The following KIAA1210 variants were observed in gnomAD, a reference collection of about 807,000 sequenced individuals.
KIAA1210 encodes the protein acrosomal protein KIAA1210.
In KIAA1210, 48 loss-of-function variants were observed where a neutral mutation model predicts 78.9. That is an observed-to-expected ratio of 0.61 (90% CI 0.48 to 0.77). The LOEUF (loss-of-function observed/expected upper bound fraction) is 0.77. Among genes scored for constraint, KIAA1210 ranks in the 30% least tolerant of loss-of-function variants. KIAA1210 has a pLI of 0.00. For missense variants in KIAA1210, 1,108 were observed against 1,100.0 expected (o/e 1.01, Z -0.10); for synonymous variants, 406 against 404.5 (o/e 1.00, Z -0.04).
At position 119,150,387 on chromosome X, in the gene KIAA1210, C is replaced by T. The variant is rs370334886; in HGVS notation, c.193G>A (p.Glu65Lys). The T allele has an allele frequency of 1.4e-5, 17 of 1,209,277 alleles. No individual in the cohort carries two copies. The African/African-American group carries it at 2.8e-4, about 20-fold the overall frequency. ...TCAGTCACTGCAGCTGGGCCAAGCTCCCCCTTGGTGCTTCCCTCCTTCTTG... is the reference window on the plus strand; with the variant it reads ...TCAGTCACTGCAGCTGGGCCAAGCTTCCCCTTGGTGCTTCCCTCCTTCTTG... Residue 65 changes from glutamate (E) to lysine (K), a missense_variant, in exon 1 of 14, where the codon GAG (glutamate) becomes AAG (lysine). Glu to Lys is a moderately conservative substitution (Grantham distance 56, BLOSUM62 1). Transcript: ENST00000402510.
chrX:119,129,316 A>G (rs1928730370), upstream of KIAA1210, among the ~76,000 whole-genome samples: 2 of 110,823 alleles, frequency 1.8e-5, no homozygotes, highest in Non-Finnish European at 3.8e-5. Context: ...TTTCACTCTG[A>G]GCTTGATGGC....
intron 1 of KIAA1210, among the ~76,000 whole-genome samples, chrX:119,126,950 T>A (rs1157751732): frequency 5.4e-5 from 6 of 111,136 alleles, no homozygotes; most frequent in Non-Finnish European, 1.1e-4. Context: ...GGTGCATGCC[T>A]GTAGTCCCAG....
chrX:119,110,256 A>G (rs754620477), intron 3 of KIAA1210, among the ~76,000 whole-genome samples: 4 of 112,478 alleles, frequency 3.6e-5, no homozygotes, highest in Non-Finnish European at 5.6e-5. Flanking sequence ...AATAAAAACA[A>G]AAACTATATG....
At chrX:119,104,491 C>A (rs1927827349) in intron 6 of KIAA1210, among the ~76,000 whole-genome samples, 1 of 112,268 alleles carries the variant, frequency 8.9e-6, no homozygotes, top group African/African-American at 3.2e-5. Flanking sequence ...ACAACCAATT[C>A]AATTAAACAC....
chrX:119,119,459 A>G (rs930102812), intron 2 of KIAA1210, among the ~76,000 whole-genome samples: 4 of 112,667 alleles, frequency 3.6e-5, no homozygotes, highest in African/African-American at 9.7e-5. Flanking sequence ...TAAAGAGAGA[A>G]AGAATAAAAA....
intron 3 of KIAA1210, 108 bp downstream of exon 3, chrX:119,116,388 G>C (rs1018193214): frequency 5.1e-6 from 4 of 777,385 alleles, no homozygotes; most frequent in Non-Finnish European, 7.4e-6. Context: ...GGCCCCCACA[G>C]GTGGGGACTC....
rs371842515 is a variant in KIAA1210 at position 119,088,526 on chromosome X, G to T, written c.2176C>A (p.Gln726Lys). The change falls in exon 9 of 12, where the codon CAG (glutamine) becomes AAG (lysine). Residue 726 changes from glutamine (Q) to lysine (K), a missense_variant. Physicochemically the swap from Gln to Lys is moderately conservative, Grantham distance 53 (BLOSUM62 1). This residue lies in a region of KIAA1210 where 672 missense variants were observed against 607.1 expected (regional missense o/e 1.11). Coordinates refer to ENST00000691062, the MANE Select transcript of KIAA1210 (RefSeq NM_001394962.1). ...GGCAGCTGCTGCATAAAATCATTCT[G>T]CTCTTCAGGAGTATTATTTGAAGCA... ...SSASNNTPEE[Q>K]NDFMQQLPSR... The T allele has an allele frequency of 5.0e-6, 6 of 1,209,363 alleles. No individual in the cohort carries two copies. The highest frequency in any genetic ancestry group is 3.5e-5 in the African/African-American group (2 of 57,249).
At chrX:119,143,575 A>G (rs1411918861) in intron 2 of KIAA1210, among the ~76,000 whole-genome samples, 1 of 112,351 alleles carries the variant, frequency 8.9e-6, no homozygotes, top group Non-Finnish European at 1.9e-5. Flanking sequence ...TGGACACTGT[A>G]GTGGCACAGC....
intron 3 of KIAA1210, among the ~76,000 whole-genome samples, chrX:119,111,636 A>G (rs1928078103): frequency 1.8e-5 from 2 of 110,936 alleles, no homozygotes; most frequent in Non-Finnish European, 1.9e-5. Context: ...GGATAGCATT[A>G]GGAGAAATAC....
chrX:119,093,757 C>T lies in KIAA1210; in HGVS notation c.865G>A (p.Glu289Lys). The T allele has an allele frequency of 8.3e-7, 1 of 1,206,100 alleles. No homozygotes were observed. Among genetic ancestry groups the T allele is most frequent in the South Asian group, 1.8e-5 (1 of 56,068 alleles). Residue 289 changes from glutamate (E) to lysine (K), a missense_variant, in exon 8 of 12, where the codon GAG (glutamate) becomes AAG (lysine). Physicochemically the swap from Glu to Lys is moderately conservative, Grantham distance 56. Coordinates refer to ENST00000691062, the MANE Select transcript of KIAA1210 (RefSeq NM_001394962.1). ...LQVIVEPKEE[E>K]PNLPLVSEEE... ...TCAGAAACCAATGGAAGGTTTGGCT[C>T]CTCCTCCTTTGGTTCCACCTGAAAC...
chrX:119,109,182 C>T lies in KIAA1210; in HGVS notation c.251G>A (p.Ser84Asn). The T allele has an allele frequency of 8.3e-7, 1 of 1,203,336 alleles. No homozygotes were observed. Among genetic ancestry groups the T allele is most frequent in the Non-Finnish European group, 1.1e-6 (1 of 890,819 alleles). Residue 84 changes from serine to asparagine, a missense_variant, in exon 4 of 12, where the codon AGC (serine) becomes AAC (asparagine). Coordinates refer to ENST00000691062, the MANE Select transcript of KIAA1210 (RefSeq NM_001394962.1). ...GATGCTATCATGGGATAGGGCTTTG[C>T]TCCCCATGCTGCTCTTGGCCCTGGA... ...TKARAKSSMG[S>N]KALSHDSIFM...
chrX:119,083,113 C>T lies in KIAA1210; in HGVS notation c.4328G>A (p.Gly1443Asp). ...ETKEPKYEGA[G>D]SANENQPKKM... ...TTTAGGTTGGTTTTCATTTGCAGAGCCAGCTCCCTTTAATACAAAAATGAA... is the reference window on the plus strand; with the variant it reads ...TTTAGGTTGGTTTTCATTTGCAGAGTCAGCTCCCTTTAATACAAAAATGAA... Residue 1443 changes from glycine (G) to aspartate (D), a missense_variant, in exon 11 of 12, where the codon GGC becomes GAC. Around this residue, in one of 5 missense-constraint regions of KIAA1210, gnomAD observed 245 missense variants for 278.8 expected, o/e 0.88. Coordinates refer to ENST00000691062, the MANE Select transcript of KIAA1210 (RefSeq NM_001394962.1). 1.7e-6 allele frequency: 2 copies of T among 1,192,702 alleles called. No homozygotes were observed. The highest frequency in any genetic ancestry group is 3.5e-5 in the African/African-American group (2 of 57,076).
chrX:119,143,822 C>T lies in KIAA1210; in HGVS notation c.410+3651G>A, dbSNP rs929023348. On this transcript the variant is annotated intron_variant, in intron 2 of 13. Transcript: ENST00000402510. ...ACCTAATTTAATCTTTGTGACAACA[C>T]CATGAGGTAGGAATCATCTCCATTT... Among the ~76,000 whole-genome samples the T allele has an allele frequency of 4.5e-5, 5 of 112,013 alleles. No homozygotes were observed. The Admixed American group carries it at 4.7e-4, about 11-fold the overall frequency.
Position 119,086,965 on chromosome X carries a change from A to T in KIAA1210, c.3737T>A (p.Ile1246Asn), listed in dbSNP as rs1169974786. 8.3e-7 allele frequency: 1 copy of T among 1,211,371 alleles called. No individual in the cohort carries two copies. Among genetic ancestry groups the T allele is most frequent in the Admixed American group, 2.2e-5 (1 of 45,980 alleles). The change falls in exon 9 of 12, where the codon ATT (isoleucine) becomes AAT (asparagine). Residue 1246 changes from isoleucine (I) to asparagine (N), a missense_variant. Physicochemically the swap from Ile to Asn is moderately radical, Grantham distance 149. This residue lies in a region of KIAA1210 where 245 missense variants were observed against 278.8 expected (regional missense o/e 0.88). Transcript: ENST00000691062. ...SQGSKNPIKS[I>N]PAPATKPGKF... ...CCCAGGTTTGGTAGCAGGGGCTGGA[A>T]TGCTCTTTATGGGGTTTTTGGAACC...
intron 1 of KIAA1210, among the ~76,000 whole-genome samples, chrX:119,147,892 T>C (rs1929206289): frequency 8.9e-6 from 1 of 112,148 alleles, no homozygotes; most frequent in African/African-American, 3.2e-5. Flanking sequence ...ATGCCCGTAA[T>C]CCCAGGCCAA....
intron 2 of KIAA1210, among the ~76,000 whole-genome samples, chrX:119,143,071 T>TATTGAGTA (rs1929087881): frequency 8.9e-6 from 1 of 112,080 alleles, no homozygotes; most frequent in Non-Finnish European, 1.9e-5. Flanking sequence ...TCAATACATG[T>TATTGAGTA]TCACTATTAT....
chrX:119,128,890 G>A (rs144049934), upstream of KIAA1210, among the ~76,000 whole-genome samples: 744 of 111,305 alleles, frequency 6.7e-3, 12 homozygotes, highest in East Asian at 0.048. Context: ...GGTCAGGCTG[G>A]TCTCAAACTC....
chrX:119,089,485 ACATT>A lies in KIAA1210; in HGVS notation c.1213_1216del (p.Asn405SerfsTer8). 8.3e-7 allele frequency: 1 copy of A among 1,211,731 alleles called. No homozygotes were observed. The highest frequency in any genetic ancestry group is 1.1e-6 in the Non-Finnish European group (1 of 895,417). On this transcript the variant is annotated frameshift_variant, in exon 9 of 12. Transcript: ENST00000691062. LOFTEE classifies it high-confidence loss of function. The stretch of plus-strand genomic sequence containing the variant: ...CTCTAAGGACAAGTGCGAGAAAGGG[ACATT>A]CCTGGCAGTCTTATTGGTAGGTGAA...
chrX:119,135,473 C>T (rs895712724), intron 2 of KIAA1210, among the ~76,000 whole-genome samples: 1 of 111,533 alleles, frequency 9.0e-6, no homozygotes, highest in Admixed American at 9.6e-5. Context: ...GCTGTTCCAG[C>T]ATTGGGGAGG....
Sources: gnomAD v4.1 joint callset for allele counts (sites outside exome capture counted in the v4.1 genomes callset) on GRCh38, gnomAD v4.1.1 for gene constraint, gnomAD v4.1.1 regional missense constraint, MANE v1.5 for transcripts, NCBI Gene and HGNC (gene_info 2026-07-23, HGNC 2026-07-21) for gene names.